SMAP1: variants seen among roughly 807,000 people sequenced by gnomAD.
SMAP1 encodes the protein small ArfGAP 1.
In SMAP1, 24 loss-of-function variants were observed where a neutral mutation model predicts 58.5. The ratio of observed to expected loss-of-function variants is 0.41; its 90% CI spans 0.30 to 0.58. SMAP1 has a LOEUF of 0.58. Among genes scored for constraint, SMAP1 ranks in the 20% least tolerant of loss-of-function variants. The probability of loss-of-function intolerance (pLI) is 0.29; values close to 1 mark genes in which losing one functional copy is unlikely to be tolerated. For missense variants in SMAP1, 563 were observed against 566.3 expected (o/e 0.99, Z 0.06); for synonymous variants, 216 against 196.6 (o/e 1.10, Z -0.82).
At chr6:70,838,526 C>T (rs970561798) in intron 7 of SMAP1, among the ~76,000 whole-genome samples, 5 of 152,022 alleles carry the variant, frequency 3.3e-5, no homozygotes, top group African/African-American at 1.2e-4. Context: ...ATAGGGTGGA[C>T]GGGGGGCATT....
intron 1 of SMAP1, among the ~76,000 whole-genome samples, chr6:70,671,331 T>C (rs1003038229): frequency 3.3e-5 from 5 of 152,138 alleles, no homozygotes; most frequent in African/African-American, 1.2e-4. Context: ...GTCCCATGCT[T>C]GTTAATGTAT....
chr6:70,816,011 T>G (rs1769613850), intron 6 of SMAP1, among the ~76,000 whole-genome samples: 1 of 152,082 alleles, frequency 6.6e-6, no homozygotes, highest in Non-Finnish European at 1.5e-5. Context: ...GATGATATGA[T>G]AAATAACTCT....
At chr6:70,687,945 A>G (rs552391962) in intron 1 of SMAP1, among the ~76,000 whole-genome samples, 2 of 152,244 alleles carry the variant, frequency 1.3e-5, no homozygotes, top group East Asian at 3.9e-4. Context: ...AAAACCACAC[A>G]TACTTTTCTC....
At chr6:70,715,917 A>G (rs1047477111) in intron 1 of SMAP1, among the ~76,000 whole-genome samples, 2 of 152,042 alleles carry the variant, frequency 1.3e-5, no homozygotes, top group Non-Finnish European at 2.9e-5. Flanking sequence ...CCCAAAGTCC[A>G]TTGTATCATT....
chr6:70,795,948 G>A lies in SMAP1; in HGVS notation c.496-2709G>A, dbSNP rs1271018761. Among the ~76,000 whole-genome samples the A allele has an allele frequency of 3.3e-5, 5 of 151,974 alleles. No homozygotes were observed. In the East Asian group the frequency reaches 7.7e-4, roughly 23 times the overall value. The stretch of plus-strand genomic sequence containing the variant: ...AGACAGGGTTTCATCATGTTGGTCA[G>A]GCTGGTCTCGAACTTCGTGATAGGC... On this transcript the variant is annotated intron_variant, in intron 5 of 10. Transcript: ENST00000370455.
At chr6:70,852,860 A>G (rs1009315522) in intron 8 of SMAP1, among the ~76,000 whole-genome samples, 196 bp downstream of exon 8, 10 of 152,174 alleles carry the variant, frequency 6.6e-5, no homozygotes, top group African/African-American at 2.4e-4. Flanking sequence ...AGCCACTCCC[A>G]CTGGTTTAGG....
chr6:70,856,817 T>C lies in SMAP1; in HGVS notation c.790-42T>C, dbSNP rs764119082. 9.7e-6 allele frequency: 15 copies of C among 1,543,836 alleles called. No individual in the cohort carries two copies. In the East Asian group the frequency reaches 3.2e-4, roughly 33 times the overall value. Reference sequence around the variant, plus strand: ...TTTAAGTAATGGATAAGCTGCGCTTTACTATGCAGAATTTGATAGCTTATT... The same window carrying C: ...TTTAAGTAATGGATAAGCTGCGCTTCACTATGCAGAATTTGATAGCTTATT... On this transcript the variant is annotated intron_variant, in intron 8 of 10. Coordinates refer to ENST00000370455, the MANE Select transcript of SMAP1 (RefSeq NM_001044305.3).
intron 6 of SMAP1, among the ~76,000 whole-genome samples, chr6:70,810,130 A>G (rs1327022277): frequency 1.3e-5 from 2 of 152,220 alleles, no homozygotes; most frequent in East Asian, 3.8e-4. Context: ...TTCTTTAACC[A>G]AGAAATTGGT....
chr6:70,808,771 A>G lies in SMAP1; in HGVS notation c.576+10034A>G, dbSNP rs185145413. 5.3e-5 allele frequency among the ~76,000 whole-genome samples: 8 copies of G among 151,996 alleles called. No individual in the cohort carries two copies. The East Asian group carries it at 7.7e-4, about 15-fold the overall frequency. ...TTTTATTCAGTGACTTTTCCTCACT[A>G]TTATTTCAAACTGGTTTCTCGCCTA... On this transcript the variant is annotated intron_variant, in intron 6 of 10. Transcript: ENST00000370455.
At chr6:70,765,665 G>A (rs1582138773) in intron 3 of SMAP1, among the ~76,000 whole-genome samples, 1 of 151,720 alleles carries the variant, frequency 6.6e-6, no homozygotes, top group Non-Finnish European at 1.5e-5. Context: ...TATTTATTGT[G>A]CATTTGTATG....
intron 8 of SMAP1, among the ~76,000 whole-genome samples, chr6:70,856,302 T>C (rs1406698852): frequency 6.6e-6 from 1 of 152,234 alleles, no homozygotes; most frequent in Non-Finnish European, 1.5e-5. Context: ...GCAGGATATG[T>C]TCAGACAATA....
chr6:70,777,141 C>G (rs1176515465), intron 4 of SMAP1, among the ~76,000 whole-genome samples: 8 of 152,190 alleles, frequency 5.3e-5, no homozygotes, highest in Non-Finnish European at 1.0e-4. Context: ...TGTATCCTCT[C>G]TGGTATCTAT....
intron 1 of SMAP1, among the ~76,000 whole-genome samples, chr6:70,721,096 T>G (rs943324496): frequency 1.7e-4 from 26 of 152,220 alleles, no homozygotes; most frequent in African/African-American, 6.3e-4. Context: ...TATGCAAATT[T>G]CTGCAGCCGG....
Position 70,860,346 on chromosome 6 carries a change from C to A in SMAP1, c.*12C>A. 6.2e-7 allele frequency: 1 copy of A among 1,601,528 alleles called. No homozygotes were observed. Among genetic ancestry groups the A allele is most frequent in the South Asian group, 1.1e-5 (1 of 88,464 alleles). On this transcript the variant is annotated 3_prime_UTR_variant, in exon 11 of 11. Transcript: ENST00000370455. ...AACTGTGGAAATGAAAACTGCAATACAAGTTTCATCCAGAACTACCACCTG... is the reference window on the plus strand; with the variant it reads ...AACTGTGGAAATGAAAACTGCAATAAAAGTTTCATCCAGAACTACCACCTG...
chr6:70,722,235 A>G (rs892795920), intron 1 of SMAP1, among the ~76,000 whole-genome samples: 6 of 152,220 alleles, frequency 3.9e-5, no homozygotes, highest in Non-Finnish European at 5.9e-5. Flanking sequence ...CTCTGTTAAT[A>G]TATTTGCCTG....
chr6:70,861,851 C>T lies in SMAP1; in HGVS notation c.*1517C>T, dbSNP rs368372004. On this transcript the variant is annotated 3_prime_UTR_variant, in exon 11 of 11. Coordinates refer to ENST00000370455, the MANE Select transcript of SMAP1 (RefSeq NM_001044305.3). ...ATACCTTAGTGCAGTTATTTGCTTTCGGTTCCAGTTCTTCGACTGTTGTTA... is the reference window on the plus strand; with the variant it reads ...ATACCTTAGTGCAGTTATTTGCTTTTGGTTCCAGTTCTTCGACTGTTGTTA... The T allele has an allele frequency of 4.2e-5, 67 of 1,613,944 alleles. No individual in the cohort carries two copies. Among genetic ancestry groups the T allele is most frequent in the East Asian group, 1.6e-4 (7 of 44,888 alleles).
At chr6:70,716,236 A>C (rs1377530372) in intron 1 of SMAP1, among the ~76,000 whole-genome samples, 4 of 152,192 alleles carry the variant, frequency 2.6e-5, no homozygotes, top group Non-Finnish European at 5.9e-5. Context: ...CATAATGTAA[A>C]ATCAGTGGGA....
At chr6:70,723,034 G>A (rs1402689379) in intron 1 of SMAP1, among the ~76,000 whole-genome samples, 1 of 152,186 alleles carries the variant, frequency 6.6e-6, no homozygotes, top group Non-Finnish European at 1.5e-5. Flanking sequence ...GGCAGCAACC[G>A]CTTAAAAACA....
In SMAP1 at chr6:70,793,452, T is replaced by C. The variant is rs544389098; in HGVS notation, c.495+1683T>C. ...CCAGTTTCTATCTTGAACATCTTAG[T>C]AGATGATGGTGCCAATTAGTGAGAC... On this transcript the variant is annotated intron_variant, in intron 5 of 10. Coordinates refer to ENST00000370455, the MANE Select transcript of SMAP1 (RefSeq NM_001044305.3). 8.5e-5 allele frequency among the ~76,000 whole-genome samples: 13 copies of C among 152,106 alleles called. No homozygotes were observed. The South Asian group carries it at 2.7e-3, about 32-fold the overall frequency.
Sources: gnomAD v4.1 joint callset for allele counts (sites outside exome capture counted in the v4.1 genomes callset) on GRCh38, gnomAD v4.1.1 for gene constraint, MANE v1.5 for transcripts, NCBI Gene and HGNC (gene_info 2026-07-23, HGNC 2026-07-21) for gene names.